The following KIAA0319L variants were observed in gnomAD, a reference collection of about 807,000 sequenced individuals.
KIAA0319L encodes dyslexia-associated protein KIAA0319-like protein.
Under a neutral mutation model 120.1 loss-of-function variants are expected in KIAA0319L, and 55 were observed. The ratio of observed to expected loss-of-function variants is 0.46; its 90% CI spans 0.37 to 0.57. The LOEUF is 0.57. KIAA0319L is among the 20% of genes least tolerant of loss of function. KIAA0319L has a pLI of 0.00. For missense variants in KIAA0319L, 1,049 were observed against 1,255.3 expected, an observed-to-expected ratio of 0.84 and a Z score of 2.48; for synonymous variants, 398 against 471.9, an observed-to-expected ratio of 0.84 and a Z score of 2.03.
intron 9 of KIAA0319L, among the ~76,000 whole-genome samples, chr1:35,457,859 T>C (rs998029055): frequency 1.4e-4 from 21 of 152,220 alleles, no homozygotes; most frequent in African/African-American, 5.1e-4. Context: ...AATCAGCAGA[T>C]ATCTGAAAAA....
At chr1:35,435,409 C>T (rs1022768594) in intron 20 of KIAA0319L, 1 of 228,312 alleles carries the variant, frequency 4.4e-6, no homozygotes, top group Non-Finnish European at 8.5e-6. Context: ...AATATTTTAT[C>T]ACCTCCCTCT....
intron 3 of KIAA0319L, among the ~76,000 whole-genome samples, chr1:35,483,201 G>A (rs913267235): frequency 1.2e-4 from 18 of 151,940 alleles, no homozygotes; most frequent in Non-Finnish European, 5.9e-5. Context: ...TTCCTTTTTC[G>A]TTTTGTTAGT....
intron 2 of KIAA0319L, among the ~76,000 whole-genome samples, chr1:35,514,866 G>A (rs1645616917): frequency 1.3e-5 from 2 of 152,160 alleles, no homozygotes; most frequent in Admixed American, 1.3e-4. Flanking sequence ...TTCAGGACCT[G>A]ATCTCAACAT....
intron 3 of KIAA0319L, among the ~76,000 whole-genome samples, chr1:35,505,235 T>C (rs774726055): frequency 6.6e-5 from 10 of 152,200 alleles, no homozygotes; most frequent in Non-Finnish European, 1.3e-4. Context: ...ATTCATCTTA[T>C]TTATTGTAAT....
chr1:35,520,848 T>C (rs955839739), intron 2 of KIAA0319L, among the ~76,000 whole-genome samples: 1 of 152,116 alleles, frequency 6.6e-6, no homozygotes, highest in South Asian at 2.1e-4. Context: ...ACAATAAATA[T>C]GTAGGATTGG....
In KIAA0319L at chr1:35,506,616, G is replaced by A. The variant is rs1298891987; in HGVS notation, c.662C>T (p.Ala221Val). The A allele has an allele frequency of 6.2e-7, 1 of 1,611,066 alleles. No individual in the cohort carries two copies. The highest frequency in any genetic ancestry group is 8.5e-7 in the Non-Finnish European group (1 of 1,178,384). ...ELGGLTTSGS[A>V]EVHKAITISS... ...CCTTATTCATAGCATGCTTACCTCTGCAGAGCCACTGGTAGTCAGACCACC... is the reference window on the plus strand; with the variant it reads ...CCTTATTCATAGCATGCTTACCTCTACAGAGCCACTGGTAGTCAGACCACC... The change falls in exon 3 of 21, where the codon GCA becomes GTA. Residue 221 changes from alanine to valine, a missense_variant. Coordinates refer to ENST00000325722, the MANE Select transcript of KIAA0319L (RefSeq NM_024874.5). This position sits in a 1 kb window ranked among gnomAD's most constrained non-coding sequence, Gnocchi z 4.0.
intron 3 of KIAA0319L, among the ~76,000 whole-genome samples, chr1:35,497,512 C>CAT: frequency 6.6e-6 from 1 of 152,218 alleles, no homozygotes; most frequent in Middle Eastern, 3.4e-3. Flanking sequence ...AGAGTTGATA[C>CAT]ATATATTCGT....
intron 2 of KIAA0319L, among the ~76,000 whole-genome samples, chr1:35,547,763 G>A (rs1047331239): frequency 2.0e-5 from 3 of 152,166 alleles, no homozygotes; most frequent in African/African-American, 7.2e-5. Flanking sequence ...CTGCTAATGG[G>A]TACAGGGCTT....
rs1558366715 is a variant in KIAA0319L at position 35,466,684 on chromosome 1, G to T, written c.1125C>A (p.Gly375=). The T allele has an allele frequency of 3.1e-6, 5 of 1,610,816 alleles. No homozygotes were observed. In the East Asian group the frequency reaches 8.9e-5, roughly 29 times the overall value. ...CTACAATCACTTTGAATTCATACAGGCCTGGAGTGAGCTGCAGAAGTGAGA... is the reference window on the plus strand; with the variant it reads ...CTACAATCACTTTGAATTCATACAGTCCTGGAGTGAGCTGCAGAAGTGAGA... ...QILKLSKLTP[G]LYEFKVIVEG... is the part of the protein sequence containing the mutation. Residue 375 remains glycine, a synonymous_variant, in exon 7 of 21, where the codon GGC becomes GGA. Transcript: ENST00000325722.
At chr1:35,540,560 C>T (rs889621599) in intron 2 of KIAA0319L, among the ~76,000 whole-genome samples, 3 of 152,194 alleles carry the variant, frequency 2.0e-5, no homozygotes, top group African/African-American at 7.2e-5. Context: ...ACTCTAACTG[C>T]TTATTCAGGA....
intron 3 of KIAA0319L, among the ~76,000 whole-genome samples, chr1:35,500,643 T>C (rs1644971860): frequency 6.6e-6 from 1 of 152,222 alleles, no homozygotes; most frequent in Non-Finnish European, 1.5e-5. Flanking sequence ...GCAGAGTTGC[T>C]TGACCTACCT....
Position 35,506,633 on chromosome 1 carries a change from C to A in KIAA0319L, c.645G>T (p.Leu215=). Reference sequence around the variant, plus strand: ...TTACCTCTGCAGAGCCACTGGTAGTCAGACCACCTAATTCGTTGGAGTCAT... The same window carrying A: ...TTACCTCTGCAGAGCCACTGGTAGTAAGACCACCTAATTCGTTGGAGTCAT... ...KVNDSNELGG[L]TTSGSAEVHK... The change falls in exon 3 of 21, where the codon CTG becomes CTT. Residue 215 remains leucine, a synonymous_variant. Transcript: ENST00000325722. The surrounding 1 kb of genome is among the most constrained non-coding windows in gnomAD (Gnocchi z 4.0). 1 of 1,613,490 alleles carries A rather than the reference C, an allele frequency of 6.2e-7. No homozygotes were observed. Among genetic ancestry groups the A allele is most frequent in the Non-Finnish European group, 8.5e-7 (1 of 1,179,610 alleles).
intron 16 of KIAA0319L, 50 bp from the exon 17 acceptor site, chr1:35,444,353 A>T: frequency 6.6e-7 from 1 of 1,508,190 alleles, no homozygotes; most frequent in Non-Finnish European, 8.9e-7. Context: ...CCATACCTGC[A>T]GCAACAGCTA....
intron 16 of KIAA0319L, among the ~76,000 whole-genome samples, chr1:35,445,556 A>G (rs924622924): frequency 3.3e-5 from 5 of 152,204 alleles, no homozygotes; most frequent in Non-Finnish European, 7.3e-5. Context: ...TCAACTCATA[A>G]CCATTAATTG....
At chr1:35,496,439 T>C (rs1053695454) in intron 3 of KIAA0319L, among the ~76,000 whole-genome samples, 1 of 151,842 alleles carries the variant, frequency 6.6e-6, no homozygotes, top group African/African-American at 2.4e-5. Context: ...AAAAATAAAA[T>C]AAAACATACA....
chr1:35,496,453 T>C (rs569374069), intron 3 of KIAA0319L, among the ~76,000 whole-genome samples: 1 of 152,236 alleles, frequency 6.6e-6, no homozygotes, highest in Admixed American at 6.5e-5. Context: ...ACATACAATG[T>C]AATCCAGCTA....
intron 3 of KIAA0319L, among the ~76,000 whole-genome samples, chr1:35,500,530 C>CCAA (rs1644966903): frequency 6.6e-6 from 1 of 152,190 alleles, no homozygotes; most frequent in Non-Finnish European, 1.5e-5. Flanking sequence ...ATGTATATTT[C>CCAA]CAAAAGAGTG....
rs993508704 is a variant in KIAA0319L at position 35,437,040 on chromosome 1, C to T, written c.2963-1959G>A. ...GCTTCCGGCCTGCTCAGACCCACACCGAACCTGAGCGGGCTCTCCCAGCTC... is the reference window on the plus strand; with the variant it reads ...GCTTCCGGCCTGCTCAGACCCACACTGAACCTGAGCGGGCTCTCCCAGCTC... On this transcript the variant is annotated intron_variant, in intron 20 of 20. Transcript: ENST00000325722. This position sits in a 1 kb window ranked among gnomAD's most constrained non-coding sequence, Gnocchi z 4.1. Among the ~76,000 whole-genome samples the T allele has an allele frequency of 6.6e-6, 1 of 152,156 alleles. No individual in the cohort carries two copies. Among genetic ancestry groups the T allele is most frequent in the East Asian group, 1.9e-4 (1 of 5,194 alleles).
chr1:35,524,430 C>G (rs1022051193), intron 2 of KIAA0319L, among the ~76,000 whole-genome samples: 6 of 152,036 alleles, frequency 3.9e-5, no homozygotes, highest in Admixed American at 1.3e-4. Flanking sequence ...GTCAGGTGAC[C>G]CTGGAAGCCT....
Sources: allele counts gnomAD v4.1 joint callset (sites outside exome capture counted in the v4.1 genomes callset), GRCh38; gene constraint gnomAD v4.1.1; non-coding constraint Gnocchi (gnomAD v3.1); transcripts MANE v1.5; gene names NCBI Gene and HGNC (gene_info 2026-07-23, HGNC 2026-07-21).